CFAP299: variants seen among roughly 807,000 people sequenced by gnomAD.
CFAP299 encodes the protein cilia and flagella associated protein 299.
In CFAP299, 21 loss-of-function variants were observed where a neutral mutation model predicts 27.0. That is an observed-to-expected ratio of 0.78 (90% CI 0.55 to 1.12). The LOEUF (loss-of-function observed/expected upper bound fraction) is 1.12. CFAP299 is among the 50% of genes most tolerant of loss of function. The probability of loss-of-function intolerance (pLI) is 0.00; values close to 1 mark genes in which losing one functional copy is unlikely to be tolerated. For missense variants in CFAP299, 310 were observed against 276.6 expected, an observed-to-expected ratio of 1.12 and a Z score of -0.86; for synonymous variants, 104 against 98.1, an observed-to-expected ratio of 1.06 and a Z score of -0.36.
chr4:80,926,156 G>A (rs1052100957), intron 4 of CFAP299, among the ~76,000 whole-genome samples: 2 of 152,034 alleles, frequency 1.3e-5, no homozygotes, highest in African/African-American at 2.4e-5. Flanking sequence ...GGAGGCACTA[G>A]CAGAGCCTGA....
At chr4:80,846,568 G>GA (rs1239159961) in intron 3 of CFAP299, among the ~76,000 whole-genome samples, 1 of 152,074 alleles carries the variant, frequency 6.6e-6, no homozygotes, top group African/African-American at 2.4e-5. Context: ...ATTATAATGA[G>GA]AACTATAAAT....
rs138346300 is a variant in CFAP299, at chr4:80,912,900, G to A, written c.477-31910G>A. On this transcript the variant is annotated intron_variant, in intron 4 of 5. Coordinates refer to ENST00000358105, the MANE Select transcript of CFAP299 (RefSeq NM_152770.3). ...AGTCTTGTTGTGGACCTCAAAAACA[G>A]GAGTGCGGAATAGAGGGGAAGCCAA... 3.3e-5 allele frequency among the ~76,000 whole-genome samples: 5 copies of A among 152,226 alleles called. No homozygotes were observed. In the East Asian group the frequency reaches 9.7e-4, roughly 29 times the overall value.
chr4:80,961,864 T>A (rs369132334), intron 5 of CFAP299, among the ~76,000 whole-genome samples: 1 of 151,920 alleles, frequency 6.6e-6, no homozygotes, highest in African/African-American at 2.4e-5. Flanking sequence ...GGGGAATAAA[T>A]CTCTCTAATC....
At chr4:80,556,133 G>A (rs1734767363) in intron 2 of CFAP299, among the ~76,000 whole-genome samples, 1 of 152,010 alleles carries the variant, frequency 6.6e-6, no homozygotes, top group East Asian at 1.9e-4. Flanking sequence ...TATTGGGTTA[G>A]CAATCTTTAT....
intron 2 of CFAP299, among the ~76,000 whole-genome samples, chr4:80,489,896 A>G (rs1731026770): frequency 6.7e-6 from 1 of 149,194 alleles, no homozygotes; most frequent in African/African-American, 2.6e-5. Context: ...TGCTTCCTTC[A>G]TAGAATTTCC....
chr4:80,722,286 G>A (rs773425460), intron 3 of CFAP299, among the ~76,000 whole-genome samples: 85 of 151,832 alleles, frequency 5.6e-4, no homozygotes, highest in African/African-American at 1.6e-3. Context: ...ACGTGGTGGC[G>A]CATGGCTGTA....
intron 2 of CFAP299, among the ~76,000 whole-genome samples, chr4:80,382,985 G>C (rs944897715): frequency 2.0e-5 from 3 of 152,164 alleles, no homozygotes; most frequent in African/African-American, 4.8e-5. Context: ...ATACATCACA[G>C]AATACTATGC....
intron 2 of CFAP299, among the ~76,000 whole-genome samples, chr4:80,428,070 C>A (rs535770727): frequency 6.6e-6 from 1 of 152,290 alleles, no homozygotes; most frequent in South Asian, 2.1e-4. Context: ...CAAGCCACTG[C>A]AGAAACTAGT....
intron 4 of CFAP299, among the ~76,000 whole-genome samples, chr4:80,919,021 A>G (rs1428929128): frequency 6.6e-6 from 1 of 152,156 alleles, no homozygotes; most frequent in Admixed American, 6.6e-5. Flanking sequence ...AGCCCCCCAG[A>G]ACAGCAAGTA....
chr4:80,908,926 A>C (rs1735322773), intron 4 of CFAP299, among the ~76,000 whole-genome samples: 1 of 152,056 alleles, frequency 6.6e-6, no homozygotes, highest in Non-Finnish European at 1.5e-5. Context: ...ACACATACAC[A>C]CACATTCTAC....
chr4:80,764,132 C>G (rs1725708961), intron 3 of CFAP299, among the ~76,000 whole-genome samples: 1 of 152,124 alleles, frequency 6.6e-6, no homozygotes, highest in Non-Finnish European at 1.5e-5. Context: ...AGCTTCTACA[C>G]AGCAAAAGAA....
chr4:80,393,481 C>T (rs547428967), intron 2 of CFAP299, among the ~76,000 whole-genome samples: 13 of 152,182 alleles, frequency 8.5e-5, no homozygotes, highest in African/African-American at 1.2e-4. Flanking sequence ...ACTTCCAGTC[C>T]TGTAAGCCCC....
At chr4:80,850,686 T>C (rs1731468408) in intron 3 of CFAP299, among the ~76,000 whole-genome samples, 1 of 152,068 alleles carries the variant, frequency 6.6e-6, no homozygotes, top group South Asian at 2.1e-4. Flanking sequence ...GAACTCCAAG[T>C]AGCTAATAAA....
chr4:80,362,008 C>T (rs543465115), intron 1 of CFAP299, among the ~76,000 whole-genome samples: 1 of 151,996 alleles, frequency 6.6e-6, no homozygotes, highest in African/African-American at 2.4e-5. Context: ...AAAAATGGTA[C>T]CTTGTCAAAT....
intron 3 of CFAP299, among the ~76,000 whole-genome samples, chr4:80,748,894 G>GAGTT (rs1724766237): frequency 1.3e-5 from 2 of 152,038 alleles, no homozygotes; most frequent in African/African-American, 4.8e-5. Flanking sequence ...TATTTTCTTG[G>GAGTT]CAAAAAGTTT....
intron 2 of CFAP299, among the ~76,000 whole-genome samples, chr4:80,427,941 C>T (rs1157066992): frequency 6.6e-6 from 1 of 152,000 alleles, no homozygotes; most frequent in Non-Finnish European, 1.5e-5. Context: ...TAAATAACTA[C>T]CATTTGCCAC....
In CFAP299 at chr4:80,522,113, C is replaced by T. The variant is rs544755719; in HGVS notation, c.243-60980C>T. On this transcript the variant is annotated intron_variant, in intron 2 of 5. Coordinates refer to ENST00000358105, the MANE Select transcript of CFAP299 (RefSeq NM_152770.3). ...GTGCATAAGGGTTCCAAGTATTCTA[C>T]GTCTTCACTAACACTTATTACTTTC... Among the ~76,000 whole-genome samples the T allele has an allele frequency of 1.4e-4, 22 of 151,978 alleles. 1 individual carries two copies. In the South Asian group the frequency reaches 3.5e-3, roughly 24 times the overall value.
chr4:80,388,335 G>C (rs1725134432), intron 2 of CFAP299: 1 of 684,082 alleles, frequency 1.5e-6, no homozygotes, highest in Non-Finnish European at 2.7e-6. Flanking sequence ...CCCTGGATCA[G>C]TGGGGACAGG....
chr4:80,728,870 G>A (rs575441028), intron 3 of CFAP299, among the ~76,000 whole-genome samples: 33 of 152,222 alleles, frequency 2.2e-4, no homozygotes, highest in South Asian at 1.2e-3. Flanking sequence ...TATCTTCACT[G>A]GTGTGTGTCT....
Sources: allele counts gnomAD v4.1 joint callset (sites outside exome capture counted in the v4.1 genomes callset), GRCh38; gene constraint gnomAD v4.1.1; transcripts MANE v1.5; gene names NCBI Gene and HGNC (gene_info 2026-07-23, HGNC 2026-07-21).